CD47: variants seen among roughly 807,000 people sequenced by gnomAD.
CD47 encodes the protein leukocyte surface antigen CD47.
CD47 carries 11 observed loss-of-function variants against 44.6 expected under a neutral mutation model. The observed-to-expected ratio is 0.25, with a 90% CI of 0.16 to 0.41. CD47 has a LOEUF of 0.41. Ranked by LOEUF, CD47 falls within the 10% of genes least tolerant of loss-of-function variation. The pLI is 1.00. For synonymous variants in CD47, 140 were observed against 136.3 expected (o/e 1.03, Z -0.19); for missense variants, 306 against 386.7 (o/e 0.79, Z 1.75).
At position 108,044,401 on chromosome 3, in the gene CD47, C is replaced by A; in HGVS notation, c.*2887G>T. On this transcript the variant is annotated 3_prime_UTR_variant, in exon 11 of 11. Coordinates refer to ENST00000361309, the MANE Select transcript of CD47 (RefSeq NM_001777.4). ...TAATCACCTTTGAAGGTTTTTAGAG[C>A]ATGTGAAATTAGTCAAAAAAAAAAA... The A allele has an allele frequency of 9.6e-5, 7 of 72,576 alleles. No homozygotes were observed. Among genetic ancestry groups the A allele is most frequent in the South Asian group, 4.6e-4 (1 of 2,156 alleles). The allele number at this position is 72,576 out of a possible 1,614,324, so 4.5% of individuals were successfully genotyped here. A position where few individuals can be genotyped will look rare whatever the true frequency, so the allele number is the denominator to read the frequency against.
rs1306336268 is a variant in CD47 at position 108,047,066 on chromosome 3, T to A, written c.*222A>T. On this transcript the variant is annotated 3_prime_UTR_variant, in exon 11 of 11. Coordinates refer to ENST00000361309, the MANE Select transcript of CD47 (RefSeq NM_001777.4). Reference sequence around the variant, plus strand: ...TAACAACAAAAAACTGGATCTCAATTGGGCAAACAACATAGATCATAATTA... The same window carrying A: ...TAACAACAAAAAACTGGATCTCAATAGGGCAAACAACATAGATCATAATTA... 2.3e-6 allele frequency: 1 copy of A among 428,430 alleles called. No homozygotes were observed. The highest frequency in any genetic ancestry group is 2.0e-5 in the African/African-American group (1 of 48,904). The allele number at this position is 428,430 out of a possible 1,614,324, so 26.5% of individuals were successfully genotyped here.
chr3:108,050,529 A>G (rs775456865), intron 9 of CD47, 49 bp downstream of exon 9: 8 of 871,260 alleles, frequency 9.2e-6, no homozygotes, highest in Non-Finnish European at 1.5e-5. Flanking sequence ...TTTGCGGGCC[A>G]GATCAAATTA....
Position 108,083,472 on chromosome 3 carries a change from T to C in CD47, c.47-3128A>G, listed in dbSNP as rs554310480. ...AATATTGTGATAGGATGTGGGGATATAGTGATGAAAAAATATAGTTATTAT... is the reference window on the plus strand; with the variant it reads ...AATATTGTGATAGGATGTGGGGATACAGTGATGAAAAAATATAGTTATTAT... On this transcript the variant is annotated intron_variant, in intron 1 of 10. Coordinates refer to ENST00000361309, the MANE Select transcript of CD47 (RefSeq NM_001777.4). 4.6e-5 allele frequency among the ~76,000 whole-genome samples: 7 copies of C among 152,140 alleles called. No individual in the cohort carries two copies. The South Asian group carries it at 1.0e-3, about 23-fold the overall frequency.
Position 108,060,751 on chromosome 3 carries a change from C to G in CD47, c.592G>C (p.Val198Leu). The G allele has an allele frequency of 1.2e-6, 2 of 1,610,192 alleles. No homozygotes were observed. Among genetic ancestry groups the G allele is most frequent in the Non-Finnish European group, 1.7e-6 (2 of 1,176,614 alleles). Residue 198 changes from valine (V) to leucine (L), a missense_variant, in exon 4 of 11, where the codon GTC becomes CTC. By Grantham distance (32) the Val-to-Leu change is conservative. Around this residue, in one of 5 missense-constraint regions of CD47, gnomAD observed 65 missense variants for 119.9 expected, o/e 0.54. Transcript: ENST00000361309. ...TAGGAACTGCACATCTTACCTGGGA[C>G]GAAAAGAATGGCTCCAACAATGACA... ...VIVIVGAILFVPGEYSLKNAT... is the reference protein window; with the variant it reads ...VIVIVGAILFLPGEYSLKNAT...
chr3:108,085,739 G>C (rs940193255), intron 1 of CD47, among the ~76,000 whole-genome samples: 3 of 152,144 alleles, frequency 2.0e-5, no homozygotes, highest in Non-Finnish European at 2.9e-5. Context: ...ACAGGGTCCA[G>C]AAAGTAGGAT....
At chr3:108,048,387 T>G (rs1032235708) in intron 10 of CD47, among the ~76,000 whole-genome samples, 25 of 141,074 alleles carry the variant, frequency 1.8e-4, no homozygotes, top group Admixed American at 5.7e-4. Context: ...TTTTTTTTTT[T>G]TTTTTTTTTT....
chr3:108,064,746 T>C (rs1230174351), intron 3 of CD47, among the ~76,000 whole-genome samples: 1 of 152,222 alleles, frequency 6.6e-6, no homozygotes, highest in African/African-American at 2.4e-5. Context: ...ACCAGGCTGA[T>C]GCGTATCAGA....
Position 108,065,470 on chromosome 3 carries a change from T to C in CD47, c.491-4618A>G, listed in dbSNP as rs182756429. Among the ~76,000 whole-genome samples the C allele has an allele frequency of 4.6e-5, 7 of 152,294 alleles. No homozygotes were observed. In the East Asian group the frequency reaches 9.6e-4, roughly 21 times the overall value. ...TTAATAACAGAATGTGATCATTATA[T>C]GGACAGGACCAAGGGAAAGCACTGG... On this transcript the variant is annotated intron_variant, in intron 3 of 10. Transcript: ENST00000361309.
At chr3:108,086,640 T>C (rs2079527222) in intron 1 of CD47, among the ~76,000 whole-genome samples, 1 of 152,190 alleles carries the variant, frequency 6.6e-6, no homozygotes, top group South Asian at 2.1e-4. Context: ...GCAGTGATTC[T>C]TTTACAATAA....
At chr3:108,048,342 A>T (rs1397737722) in intron 10 of CD47, among the ~76,000 whole-genome samples, 1 of 147,106 alleles carries the variant, frequency 6.8e-6, no homozygotes, top group African/African-American at 2.5e-5. Flanking sequence ...CGTTGTTTTA[A>T]ACTTTGTTCA....
Position 108,047,216 on chromosome 3 carries a change from G to A in CD47, c.*72C>T, listed in dbSNP as rs2078734250. The A allele has an allele frequency of 7.8e-7, 1 of 1,275,466 alleles. No individual in the cohort carries two copies. Among genetic ancestry groups the A allele is most frequent in the Admixed American group, 1.9e-5 (1 of 53,966 alleles). The allele number at this position is 1,275,466 out of a possible 1,614,324, so 79.0% of individuals were successfully genotyped here. ...CCCAACAGTGAATCATCAAGGCCAT[G>A]GTGCTTAAACACAAGTGTATTCCTT... On this transcript the variant is annotated 3_prime_UTR_variant, in exon 11 of 11. Coordinates refer to ENST00000361309, the MANE Select transcript of CD47 (RefSeq NM_001777.4).
In CD47 at chr3:108,047,198, G is replaced by C. The variant is rs1223823648; in HGVS notation, c.*90C>G. On this transcript the variant is annotated 3_prime_UTR_variant, in exon 11 of 11. Coordinates refer to ENST00000361309, the MANE Select transcript of CD47 (RefSeq NM_001777.4). ...CTTTTCTTGTTTCTTCTCCCCAACA[G>C]TGAATCATCAAGGCCATGGTGCTTA... The C allele has an allele frequency of 7.6e-6, 8 of 1,045,906 alleles. No individual in the cohort carries two copies. The highest frequency in any genetic ancestry group is 1.2e-5 in the Non-Finnish European group (8 of 688,936). 64.8% of individuals were successfully genotyped at this position (1,045,906 alleles called of 1,614,324 possible). A position where few individuals can be genotyped will look rare whatever the true frequency, so the allele number is the denominator to read the frequency against.
intron 1 of CD47, among the ~76,000 whole-genome samples, chr3:108,085,240 A>G (rs1376214998): frequency 6.6e-6 from 1 of 152,070 alleles, no homozygotes; most frequent in Non-Finnish European, 1.5e-5. Context: ...GTTATACACT[A>G]TTACCCCACT....
rs183742452 is a variant in CD47 at position 108,059,554 on chromosome 3, A to C, written c.599-10T>G. ...TTTAATGAATATTCACCTGTCAATA[A>C]ATAAAAACATTTAAAATATTTTCCT... On this transcript the variant is annotated splice_polypyrimidine_tract_variant and intron_variant, in intron 4 of 10. Transcript: ENST00000361309. 5.3e-6 allele frequency: 7 copies of C among 1,312,664 alleles called. No homozygotes were observed. The Admixed American group carries it at 1.8e-4, about 33-fold the overall frequency. The allele number at this position is 1,312,664 out of a possible 1,614,324, so 81.3% of individuals were successfully genotyped here.
At chr3:108,085,120 A>G (rs1355213162) in intron 1 of CD47, among the ~76,000 whole-genome samples, 1 of 151,988 alleles carries the variant, frequency 6.6e-6, no homozygotes, top group Admixed American at 6.6e-5. Flanking sequence ...TCATTTCCAC[A>G]CTAAGCTCCA....
chr3:108,050,450 C>G lies in CD47; in HGVS notation c.934+128G>C, dbSNP rs1023323972. ...TGATGAATAATCAAGAGTAGAGATG[C>G]CAAGGAAAGAAAAAAAGAGGAAAAA... On this transcript the variant is annotated intron_variant, in intron 9 of 10. Coordinates refer to ENST00000361309, the MANE Select transcript of CD47 (RefSeq NM_001777.4). The G allele has an allele frequency of 1.0e-4, 66 of 632,040 alleles. No individual in the cohort carries two copies. The African/African-American group carries it at 1.2e-3, about 12-fold the overall frequency. The allele number at this position is 632,040 out of a possible 1,614,324, so 39.2% of individuals were successfully genotyped here.
Position 108,045,559 on chromosome 3 carries a change from A to AT in CD47, c.*1728dup, listed in dbSNP as rs139754401. ...TATACGTATATATTTGTGTATACAT[A>AT]TTTTTTTTTTCAAGAAGAGCTGTCT... On this transcript the variant is annotated 3_prime_UTR_variant, in exon 11 of 11. Transcript: ENST00000361309. 0.27 allele frequency: 40,944 copies of AT among 150,254 alleles called. 5,542 individuals carry two copies. Among genetic ancestry groups the AT allele is most frequent in the South Asian group, 0.31 (1,481 of 4,738 alleles). The allele number at this position is 150,254 out of a possible 1,614,324, so 9.3% of individuals were successfully genotyped here.
In CD47 at chr3:108,075,437, C is replaced by T. The variant is rs117695279; in HGVS notation, c.401-4255G>A. On this transcript the variant is annotated intron_variant, in intron 2 of 10. Coordinates refer to ENST00000361309, the MANE Select transcript of CD47 (RefSeq NM_001777.4). Reference sequence around the variant, plus strand: ...TTCAAACTCCCACAAACATAGGGAACACCAGGTTACACACACACACACACG... The same window carrying T: ...TTCAAACTCCCACAAACATAGGGAATACCAGGTTACACACACACACACACG... Among the ~76,000 whole-genome samples the T allele has an allele frequency of 3.1e-4, 47 of 152,168 alleles. 1 individual carries two copies. In the East Asian group the frequency reaches 9.1e-3, roughly 29 times the overall value.
At chr3:108,073,039 C>T (rs1025830881) in intron 2 of CD47, among the ~76,000 whole-genome samples, 2 of 147,790 alleles carry the variant, frequency 1.4e-5, no homozygotes, top group African/African-American at 5.0e-5. Flanking sequence ...TCATTTCAGT[C>T]GTGGTGACCC....
Sources: allele counts gnomAD v4.1 joint callset (sites outside exome capture counted in the v4.1 genomes callset), GRCh38; gene constraint gnomAD v4.1.1; regional missense constraint gnomAD v4.1.1; transcripts MANE v1.5; gene names NCBI Gene and HGNC (gene_info 2026-07-23, HGNC 2026-07-21).